GOLM1: variants seen among roughly 807,000 people sequenced by gnomAD.
GOLM1 encodes the protein golgi membrane protein 1.
In GOLM1, 31 loss-of-function variants were observed where a neutral mutation model predicts 50.5. The observed-to-expected ratio is 0.61, with a 90% confidence interval of 0.46 to 0.83. GOLM1 has a LOEUF of 0.83. Among genes scored for constraint, GOLM1 ranks in the 40% least tolerant of loss-of-function variants. The pLI, the probability that GOLM1 is intolerant of heterozygous loss-of-function variation, is 0.00. For missense variants in GOLM1, 491 were observed against 501.3 expected, an observed-to-expected ratio of 0.98 and a Z score of 0.20; for synonymous variants, 178 against 192.8, an observed-to-expected ratio of 0.92 and a Z score of 0.64.
intron 4 of GOLM1, among the ~76,000 whole-genome samples, chr9:86,048,816 T>G (rs970723108): frequency 6.6e-6 from 1 of 152,208 alleles, no homozygotes; most frequent in Non-Finnish European, 1.5e-5. Context: ...TTTCTCCCAT[T>G]CTGTAGCTTG....
chr9:86,086,410 G>C (rs947689910), intron 1 of GOLM1, among the ~76,000 whole-genome samples: 1 of 151,986 alleles, frequency 6.6e-6, no homozygotes, highest in Non-Finnish European at 1.5e-5. Context: ...TATTCTGTAG[G>C]CTGCCTGTTC....
intron 1 of GOLM1, among the ~76,000 whole-genome samples, chr9:86,091,953 A>G (rs1402913859): frequency 6.6e-6 from 1 of 152,206 alleles, no homozygotes; most frequent in Non-Finnish European, 1.5e-5. Context: ...TGGTATTAAG[A>G]GCACAGACTG....
chr9:86,042,190 T>C (rs141774885), intron 5 of GOLM1, among the ~76,000 whole-genome samples: 2,096 of 152,350 alleles, frequency 0.014, 47 homozygotes, highest in African/African-American at 0.046. Flanking sequence ...GCTTGCTGCC[T>C]GGATTTATTT....
chr9:86,070,367 T>C (rs1249050658), intron 3 of GOLM1, among the ~76,000 whole-genome samples: 3 of 150,048 alleles, frequency 2.0e-5, no homozygotes, highest in African/African-American at 4.9e-5. Flanking sequence ...AGCTCAGGAG[T>C]TCAAGACCAG....
chr9:86,075,589 G>A (rs1360383975), intron 3 of GOLM1, among the ~76,000 whole-genome samples: 3 of 152,136 alleles, frequency 2.0e-5, no homozygotes, highest in Non-Finnish European at 1.5e-5. Flanking sequence ...CTTTAAACCC[G>A]GGTCTGCCTG....
chr9:86,099,095 AAGAC>A (rs1186775949), intron 1 of GOLM1, among the ~76,000 whole-genome samples: 4 of 152,116 alleles, frequency 2.6e-5, no homozygotes, highest in Non-Finnish European at 5.9e-5. Context: ...TCAGAACAAA[AAGAC>A]AGGCCCCGCA....
At chr9:86,044,180 A>C (rs1833456907) in intron 5 of GOLM1, among the ~76,000 whole-genome samples, 1 of 152,180 alleles carries the variant, frequency 6.6e-6, no homozygotes, top group African/African-American at 2.4e-5. Flanking sequence ...ACAGACAAAA[A>C]TGTCTCCAAA....
In GOLM1 at chr9:86,035,404, C is replaced by T. The variant is rs545330187; in HGVS notation, c.979G>A (p.Asp327Asn). The T allele has an allele frequency of 8.6e-5, 139 of 1,613,866 alleles. No homozygotes were observed. The highest frequency in any genetic ancestry group is 1.0e-4 in the Non-Finnish European group (120 of 1,180,026). Reference protein sequence around the residue: ...GPERDQLVIPDGQEEEQEAAG... With the variant: ...GPERDQLVIPNGQEEEQEAAG... Reference sequence around the variant, plus strand: ...GCTTCCTGCTCCTCCTCCTGTCCGTCGGGGATGACAAGCTGGTCTCGCTCA... The same window carrying T: ...GCTTCCTGCTCCTCCTCCTGTCCGTTGGGGATGACAAGCTGGTCTCGCTCA... The change falls in exon 8 of 10, where the codon GAC becomes AAC. Residue 327 changes from aspartate to asparagine, a missense_variant. Physicochemically the swap from Asp to Asn is conservative, Grantham distance 23. Transcript: ENST00000388712.
intron 4 of GOLM1, among the ~76,000 whole-genome samples, chr9:86,047,798 AATAACTATGCT>A (rs1833601140): frequency 6.6e-6 from 1 of 152,214 alleles, no homozygotes; most frequent in South Asian, 2.1e-4. Flanking sequence ...ACGAATCGCA[AATAACTATGCT>A]GAGAGAGAAA....
chr9:86,035,878 C>CAAAAAAAAAAAAAAAAA (rs1212918413), intron 7 of GOLM1, among the ~76,000 whole-genome samples: 1 of 101,548 alleles, frequency 9.8e-6, no homozygotes, highest in African/African-American at 4.6e-5. Flanking sequence ...AAAAAAAAAA[C>CAAAAAAAAAAAAAAAAA]AAAACAAAAA....
intron 1 of GOLM1, among the ~76,000 whole-genome samples, chr9:86,096,343 T>C (rs914226977): frequency 6.6e-6 from 1 of 152,094 alleles, no homozygotes; most frequent in Admixed American, 6.5e-5. Flanking sequence ...CAGAGCTGAG[T>C]AGTTGTGACA....
Position 86,036,480 on chromosome 9 carries a change from T to A in GOLM1, c.625A>T (p.Arg209Trp). 1.9e-6 allele frequency: 3 copies of A among 1,614,096 alleles called. No individual in the cohort carries two copies. The highest frequency in any genetic ancestry group is 2.5e-6 in the Non-Finnish European group (3 of 1,180,004). The change falls in exon 7 of 10, where the codon AGG becomes TGG. Residue 209 changes from arginine to tryptophan, a missense_variant. Arg to Trp is a moderately radical substitution (Grantham distance 101). Transcript: ENST00000388712. Reference sequence around the variant, plus strand: ...TGTGGCAGGCCTGCTGCCTGCAGCCTGGGCTGAGGCTCACTGAGGGCTTGG... The same window carrying A: ...TGTGGCAGGCCTGCTGCCTGCAGCCAGGGCTGAGGCTCACTGAGGGCTTGG... ...QLQALSEPQP[R>W]LQAAGLPHTE...
intron 8 of GOLM1, chr9:86,035,136 C>T: frequency 1.0e-6 from 1 of 985,400 alleles, no homozygotes; most frequent in Non-Finnish European, 1.2e-6. Flanking sequence ...GTCCCCTCGA[C>T]TCCCTGCCAA....
chr9:86,098,042 C>G (rs1483634425), intron 1 of GOLM1, among the ~76,000 whole-genome samples: 1 of 152,138 alleles, frequency 6.6e-6, no homozygotes, highest in Non-Finnish European at 1.5e-5. Flanking sequence ...ACTTTCCTCT[C>G]ATTTCTTTCG....
chr9:86,095,337 G>A (rs927950107), intron 1 of GOLM1, among the ~76,000 whole-genome samples: 5 of 151,546 alleles, frequency 3.3e-5, no homozygotes, highest in African/African-American at 1.2e-4. Context: ...CAAGTGATTC[G>A]AATGTCTCAG....
At chr9:86,053,717 TCA>T (rs1163982254) in intron 3 of GOLM1, among the ~76,000 whole-genome samples, 5 of 926 alleles carry the variant, frequency 5.4e-3, no homozygotes, top group Admixed American at 0.052. Flanking sequence ...CCCCACCGCA[TCA>T]CAGACTGCTC....
rs1835023949 is a variant in GOLM1 at position 86,087,718 on chromosome 9, G to T, written c.-21-8377C>A. ...GAGAACCATGTGGTTTTTGCCATTG[G>T]TTCTGTTTATGTGATGGATTACGTC... On this transcript the variant is annotated intron_variant, in intron 1 of 9. Coordinates refer to ENST00000388712, the MANE Select transcript of GOLM1 (RefSeq NM_016548.4). 2.0e-5 allele frequency among the ~76,000 whole-genome samples: 3 copies of T among 152,166 alleles called. No individual in the cohort carries two copies. In the South Asian group the frequency reaches 6.2e-4, roughly 32 times the overall value.
intron 1 of GOLM1, among the ~76,000 whole-genome samples, chr9:86,082,571 G>C (rs1182016751): frequency 6.6e-6 from 1 of 151,842 alleles, no homozygotes; most frequent in Non-Finnish European, 1.5e-5. Flanking sequence ...TTCCCAAGTA[G>C]CTGGGACTAC....
At position 86,087,880 on chromosome 9, in the gene GOLM1, G is replaced by A. The variant is rs1348277615; in HGVS notation, c.-21-8539C>T. ...GGATTTCCCCATCGATGTTCATCAG[G>A]GATATTGGTCTGAAATTTTCTTTTT... On this transcript the variant is annotated intron_variant, in intron 1 of 9. Transcript: ENST00000388712. Among the ~76,000 whole-genome samples, 3 of 152,140 alleles carry A rather than the reference G, an allele frequency of 2.0e-5. No homozygotes were observed. The East Asian group carries it at 5.8e-4, about 29-fold the overall frequency.
Sources: allele counts gnomAD v4.1 joint callset (sites outside exome capture counted in the v4.1 genomes callset), GRCh38; gene constraint gnomAD v4.1.1; transcripts MANE v1.5; gene names NCBI Gene and HGNC (gene_info 2026-07-23, HGNC 2026-07-21).